APP: variants seen among roughly 807,000 people sequenced by gnomAD.
The protein encoded by APP is amyloid-beta precursor protein.
Under a neutral mutation model 101.4 loss-of-function variants are expected in APP, and 31 were observed. The ratio of observed to expected loss-of-function variants is 0.31; its 90% CI spans 0.23 to 0.41. APP has a LOEUF of 0.41. Ranked by LOEUF, APP falls within the 10% of genes least tolerant of loss-of-function variation. The probability of loss-of-function intolerance (pLI) is 1.00; values close to 1 mark genes in which losing one functional copy is unlikely to be tolerated. For missense variants in APP, 839 were observed against 1,003.7 expected (o/e 0.84, Z 2.22); for synonymous variants, 366 against 364.4 (o/e 1.00, Z -0.05).
At chr21:25,979,432 A>T (rs1449982063) in intron 9 of APP, among the ~76,000 whole-genome samples, 1 of 152,176 alleles carries the variant, frequency 6.6e-6, no homozygotes, top group Non-Finnish European at 1.5e-5. Context: ...AATGACTACT[A>T]CTAAGTAGAG....
At chr21:26,042,100 T>G (rs897159256) in intron 5 of APP, among the ~76,000 whole-genome samples, 1 of 152,188 alleles carries the variant, frequency 6.6e-6, no homozygotes, top group Non-Finnish European at 1.5e-5. Flanking sequence ...TTTGTATGAT[T>G]CACTTTGCGG....
At chr21:26,016,716 C>T (rs548162875) in intron 6 of APP, among the ~76,000 whole-genome samples, 3 of 152,178 alleles carry the variant, frequency 2.0e-5, no homozygotes, top group East Asian at 1.9e-4. Flanking sequence ...GGATTACAGG[C>T]GCATGCCACC....
At position 26,127,144 on chromosome 21, in the gene APP, A is replaced by G. The variant is rs1420206420; in HGVS notation, c.58-14998T>C. Among the ~76,000 whole-genome samples the G allele has an allele frequency of 4.6e-5, 7 of 152,220 alleles. No homozygotes were observed. The East Asian group carries it at 1.4e-3, about 29-fold the overall frequency. On this transcript the variant is annotated intron_variant, in intron 1 of 17. Coordinates refer to ENST00000346798, the MANE Select transcript of APP (RefSeq NM_000484.4). ...GTATTAACTCCCTGTGGGTCAATTT[A>G]TAATAGTAATCTTTTAATTAAGAAA... is the stretch of plus-strand genomic sequence containing the variant.
intron 5 of APP, among the ~76,000 whole-genome samples, chr21:26,027,036 TCA>T (rs1275203848): frequency 6.6e-6 from 1 of 152,232 alleles, no homozygotes; most frequent in African/African-American, 2.4e-5. Flanking sequence ...ATTTATTCTT[TCA>T]CAGTCTCTGT....
intron 13 of APP, among the ~76,000 whole-genome samples, chr21:25,949,750 T>A (rs1213777362): frequency 6.6e-6 from 1 of 152,170 alleles, no homozygotes; most frequent in African/African-American, 2.4e-5. Flanking sequence ...AGTTAGAGTA[T>A]GGTATTGGAG....
In APP at chr21:25,909,757, CA is replaced by C. The variant is rs2038977555; in HGVS notation, c.1909+1983del. 1.3e-5 allele frequency among the ~76,000 whole-genome samples: 2 copies of C among 152,214 alleles called. 1 individual carries two copies. The highest frequency in any genetic ancestry group is 4.8e-5 in the African/African-American group (2 of 41,552). ...CTGAATGAAGAGGACCTTCAATGAC[CA>C]AAATCTATCTACCTGTAAAGAAACA... On this transcript the variant is annotated intron_variant, in intron 14 of 17. Transcript: ENST00000346798.
intron 6 of APP, among the ~76,000 whole-genome samples, chr21:26,017,448 C>T (rs2044147938): frequency 6.7e-6 from 1 of 148,982 alleles, no homozygotes. Context: ...CATTAAAGGG[C>T]AAGAGTGGTG....
At chr21:26,156,398 CAAT>C (rs2063376320) in intron 1 of APP, among the ~76,000 whole-genome samples, 1 of 152,136 alleles carries the variant, frequency 6.6e-6, no homozygotes, top group Admixed American at 6.6e-5. Context: ...AGATATTAAT[CAAT>C]AAAATATTAA....
chr21:25,947,617 T>C (rs2040878777), intron 13 of APP, among the ~76,000 whole-genome samples: 1 of 152,236 alleles, frequency 6.6e-6, no homozygotes, highest in Non-Finnish European at 1.5e-5. Context: ...TCATGTCTGT[T>C]ACTTAATAAC....
In APP at chr21:26,062,888, G is replaced by A. The variant is rs529773363; in HGVS notation, c.356-9540C>T. ...GGTGATCCTCCCACCTCAGCTTCTC[G>A]GGTAGCTGGGACTACAGGCACATGC... On this transcript the variant is annotated intron_variant, in intron 3 of 17. Transcript: ENST00000346798. Among the ~76,000 whole-genome samples the A allele has an allele frequency of 7.9e-5, 12 of 151,818 alleles. No homozygotes were observed. The South Asian group carries it at 2.5e-3, about 32-fold the overall frequency.
At chr21:26,031,101 G>A (rs957148991) in intron 5 of APP, among the ~76,000 whole-genome samples, 5 of 151,684 alleles carry the variant, frequency 3.3e-5, no homozygotes, top group Admixed American at 6.6e-5. Context: ...AGTTGGCCGG[G>A]CTGTTGCAGT....
chr21:26,136,201 GA>G (rs67532179), intron 1 of APP, among the ~76,000 whole-genome samples: 3,636 of 112,252 alleles, frequency 0.032, 267 homozygotes, highest in East Asian at 0.14. Context: ...AAGAAAGAAA[GA>G]AAAGAAAAGA....
At position 26,000,126 on chromosome 21, in the gene APP, A is replaced by G; in HGVS notation, c.922T>C (p.Tyr308His). The G allele has an allele frequency of 6.2e-6, 10 of 1,614,198 alleles. No homozygotes were observed. Among genetic ancestry groups the G allele is most frequent in the Non-Finnish European group, 8.5e-6 (10 of 1,180,022 alleles). Residue 308 changes from tyrosine (Y) to histidine (H), a missense_variant, in exon 7 of 18, where the codon TAC becomes CAC. By Grantham distance (83) the Tyr-to-His change is moderately conservative. Transcript: ENST00000346798. ...CACTTCCCTTCAGTCACATCAAAGTACCAGCGGGAGATCATTGCTCGGCAC... is the reference window on the plus strand; with the variant it reads ...CACTTCCCTTCAGTCACATCAAAGTGCCAGCGGGAGATCATTGCTCGGCAC... ...GPCRAMISRW[Y>H]FDVTEGKCAP... is the part of the protein sequence containing the mutation.
chr21:25,887,517 G>GAA (rs199637906), intron 17 of APP, among the ~76,000 whole-genome samples: 2,390 of 114,206 alleles, frequency 0.021, 53 homozygotes, highest in African/African-American at 0.041. Flanking sequence ...CTGCTTATTT[G>GAA]AAAAAAAAAA....
chr21:26,153,497 G>A (rs2063319979), intron 1 of APP, among the ~76,000 whole-genome samples: 1 of 152,072 alleles, frequency 6.6e-6, no homozygotes, highest in African/African-American at 2.4e-5. Flanking sequence ...AAAACATAGA[G>A]ATGGGATCTC....
Position 26,103,395 on chromosome 21 carries a change from G to A in APP, c.225+8584C>T, listed in dbSNP as rs1223774271. 2.0e-5 allele frequency among the ~76,000 whole-genome samples: 3 copies of A among 152,108 alleles called. No individual in the cohort carries two copies. The East Asian group carries it at 5.8e-4, about 29-fold the overall frequency. ...AGGCCGAGGCAGGTAAATCACTAGA[G>A]TTCAAGACCAGCCTAGCCAACATGG... On this transcript the variant is annotated intron_variant, in intron 2 of 17. Transcript: ENST00000346798.
intron 1 of APP, among the ~76,000 whole-genome samples, chr21:26,138,238 C>G (rs45599133): frequency 9.2e-5 from 14 of 152,004 alleles, no homozygotes; most frequent in Admixed American, 9.2e-4. Context: ...GAAACAAGAA[C>G]AGCAAAATGT....
chr21:26,073,254 T>C (rs917813556), intron 3 of APP, among the ~76,000 whole-genome samples: 1 of 150,636 alleles, frequency 6.6e-6, no homozygotes, highest in Admixed American at 6.7e-5. Flanking sequence ...GAATCCTAAA[T>C]ATTGCAAAAG....
chr21:26,072,113 C>G (rs889739589), intron 3 of APP, among the ~76,000 whole-genome samples: 4 of 152,182 alleles, frequency 2.6e-5, no homozygotes, highest in South Asian at 4.1e-4. Flanking sequence ...TGGGGGAAAA[C>G]AGCTAATGGG....
Sources: gnomAD v4.1 joint callset for allele counts (sites outside exome capture counted in the v4.1 genomes callset) on GRCh38, gnomAD v4.1.1 for gene constraint, MANE v1.5 for transcripts, NCBI Gene and HGNC (gene_info 2026-07-23, HGNC 2026-07-21) for gene names.